Variants in ITGB3BP observed in about 807,000 individuals in gnomAD.
ITGB3BP encodes centromere protein R.
In ITGB3BP, 27 loss-of-function variants were observed where a neutral mutation model predicts 29.1. The observed-to-expected ratio is 0.93, with a 90% confidence interval of 0.68 to 1.28. ITGB3BP has a LOEUF of 1.28. Ranked by LOEUF, ITGB3BP falls within the 50% of genes most tolerant of loss-of-function variation. ITGB3BP has a pLI of 0.00. For synonymous variants in ITGB3BP, 61 were observed against 61.4 expected (o/e 0.99, Z 0.03); for missense variants, 192 against 200.2 (o/e 0.96, Z 0.25).
At chr1:63,442,400 C>T (rs2100458443) in intron 8 of ITGB3BP, 1 of 152,224 alleles carries the variant, frequency 6.6e-6, no homozygotes, top group Non-Finnish European at 1.5e-5. Context: ...ATAATACTTC[C>T]TAATTTCATG....
At chr1:63,455,441 C>CT (rs1025421133) in intron 4 of ITGB3BP, among the ~76,000 whole-genome samples, 7 of 151,206 alleles carry the variant, frequency 4.6e-5, no homozygotes, top group Non-Finnish European at 8.9e-5. Context: ...TGTTATCATA[C>CT]TTTTTTTTTC....
At chr1:63,455,929 CAT>C (rs1243351086) in intron 4 of ITGB3BP, among the ~76,000 whole-genome samples, 2 of 151,874 alleles carry the variant, frequency 1.3e-5, no homozygotes, top group African/African-American at 4.8e-5. Context: ...AATATTTCAA[CAT>C]ATAATGAATA....
chr1:63,493,452 A>AC (rs1557640208), intron 2 of ITGB3BP, among the ~76,000 whole-genome samples: 1 of 145,258 alleles, frequency 6.9e-6, no homozygotes. Context: ...AAACAAACAA[A>AC]CAAACCTGCT....
chr1:63,453,846 T>A (rs982204925), intron 7 of ITGB3BP, 72 bp downstream of exon 7: 1 of 843,862 alleles, frequency 1.2e-6, no homozygotes, highest in Non-Finnish European at 2.0e-6. Flanking sequence ...AAAGGATTCA[T>A]GATGATTAGT....
At chr1:63,494,148 T>G (rs1645730437) in intron 2 of ITGB3BP, among the ~76,000 whole-genome samples, 1 of 149,632 alleles carries the variant, frequency 6.7e-6, no homozygotes, top group Non-Finnish European at 1.5e-5. Flanking sequence ...ACAACCTTCT[T>G]TTTTTTTTTG....
rs563342759 is a variant in ITGB3BP, at chr1:63,497,161, C to T, written c.49-6943G>A. ...GACAAAAATTCTTAATTTTTCTAGC[C>T]AGGTGTGGTGGCATGTGCCTGCAGT... On this transcript the variant is annotated intron_variant, in intron 2 of 8. Transcript: ENST00000271002. Among the ~76,000 whole-genome samples the T allele has an allele frequency of 6.6e-5, 10 of 152,186 alleles. No individual in the cohort carries two copies. In the East Asian group the frequency reaches 1.9e-3, roughly 29 times the overall value.
At position 63,455,064 on chromosome 1, in the gene ITGB3BP, C is replaced by T. The variant is rs572019519; in HGVS notation, c.255-96G>A. On this transcript the variant is annotated intron_variant, in intron 4 of 8. Coordinates refer to ENST00000271002, the MANE Select transcript of ITGB3BP (RefSeq NM_014288.5). The stretch of plus-strand genomic sequence containing the variant: ...TTAACTCTTTTTAAAGGACCTTAGA[C>T]TTAGGTTCTTTCATTCTTTACAAAC... 1.3e-5 allele frequency: 8 copies of T among 626,564 alleles called. No homozygotes were observed. The Admixed American group carries it at 2.0e-4, about 15-fold the overall frequency. 38.8% of individuals were successfully genotyped at this position (626,564 alleles called of 1,614,324 possible).
intron 1 of ITGB3BP, 117 bp downstream of exon 1, chr1:63,523,012 G>C (rs770079650): frequency 1.7e-6 from 2 of 1,189,444 alleles, no homozygotes. Context: ...GTGGACAGAG[G>C]AGACAAGTTC....
chr1:63,500,713 G>C (rs1645906713), intron 2 of ITGB3BP, among the ~76,000 whole-genome samples: 2 of 152,044 alleles, frequency 1.3e-5, no homozygotes, highest in African/African-American at 2.4e-5. Context: ...TTTCCCAACT[G>C]AATCTGCAAA....
At chr1:63,448,532 T>C (rs1464555238) in intron 7 of ITGB3BP, among the ~76,000 whole-genome samples, 1 of 152,088 alleles carries the variant, frequency 6.6e-6, no homozygotes, top group African/African-American at 2.4e-5. Context: ...TTTAACTATA[T>C]AACTAGTTAT....
intron 1 of ITGB3BP, among the ~76,000 whole-genome samples, chr1:63,520,006 G>T (rs1462141183): frequency 6.6e-6 from 1 of 152,016 alleles, no homozygotes; most frequent in Non-Finnish European, 1.5e-5. Context: ...AGTTAACTCT[G>T]GTAGAGAGTA....
chr1:63,506,412 A>C (rs572784523), intron 2 of ITGB3BP, among the ~76,000 whole-genome samples: 41 of 152,262 alleles, frequency 2.7e-4, no homozygotes, highest in Non-Finnish European at 4.3e-4. Context: ...AACCCCTGAT[A>C]AAACCATCAG....
chr1:63,458,550 G>A (rs1332998941), intron 4 of ITGB3BP, among the ~76,000 whole-genome samples: 1 of 152,078 alleles, frequency 6.6e-6, no homozygotes, highest in African/African-American at 2.4e-5. Flanking sequence ...TCCCTCGGAT[G>A]CAAGCCATGG....
intron 2 of ITGB3BP, among the ~76,000 whole-genome samples, chr1:63,501,569 G>C (rs1016998056): frequency 1.8e-4 from 28 of 152,026 alleles, no homozygotes; most frequent in Non-Finnish European, 1.2e-4. Flanking sequence ...ATCTGACTTA[G>C]AAGTGTCTTA....
intron 3 of ITGB3BP, among the ~76,000 whole-genome samples, chr1:63,487,000 C>A (rs911868819): frequency 6.6e-6 from 1 of 152,014 alleles, no homozygotes; most frequent in Non-Finnish European, 1.5e-5. Context: ...TTTAGTACTG[C>A]ATCTTTATAT....
At chr1:63,488,602 T>G (rs1486303135) in intron 3 of ITGB3BP, among the ~76,000 whole-genome samples, 1 of 152,058 alleles carries the variant, frequency 6.6e-6, no homozygotes, top group Non-Finnish European at 1.5e-5. Flanking sequence ...TTTTAAAACA[T>G]GTACAAGATG....
chr1:63,517,409 TA>T (rs1369795147), intron 1 of ITGB3BP, among the ~76,000 whole-genome samples: 2 of 151,334 alleles, frequency 1.3e-5, no homozygotes, highest in Non-Finnish European at 3.0e-5. Context: ...TAAAAATAAA[TA>T]AAAAATAAAT....
At chr1:63,484,398 G>A (rs992793743) in intron 3 of ITGB3BP, among the ~76,000 whole-genome samples, 2 of 151,964 alleles carry the variant, frequency 1.3e-5, no homozygotes, top group Non-Finnish European at 2.9e-5. Context: ...ACCAAGAACT[G>A]CTTTAGTATA....
chr1:63,451,967 T>C (rs1224800382), intron 7 of ITGB3BP: 3 of 152,094 alleles, frequency 2.0e-5, no homozygotes, highest in Non-Finnish European at 4.4e-5. Flanking sequence ...TCAATGATTA[T>C]TAGAAATTTA....
Sources: gnomAD v4.1 joint callset for allele counts (sites outside exome capture counted in the v4.1 genomes callset) on GRCh38, gnomAD v4.1.1 for gene constraint, MANE v1.5 for transcripts, NCBI Gene and HGNC (gene_info 2026-07-23, HGNC 2026-07-21) for gene names.